The following AGPAT3 variants were observed in gnomAD, a reference collection of about 807,000 sequenced individuals.
AGPAT3 encodes the protein 1-acyl-sn-glycerol-3-phosphate acyltransferase gamma.
Under a neutral mutation model 47.3 loss-of-function variants are expected in AGPAT3, and 5 were observed. The observed-to-expected ratio is 0.11, with a 90% CI of 0.06 to 0.22. The LOEUF (loss-of-function observed/expected upper bound fraction) is 0.22. Ranked by LOEUF, AGPAT3 falls within the 10% of genes least tolerant of loss-of-function variation. The pLI is 1.00. For synonymous variants in AGPAT3, 212 were observed against 208.3 expected (o/e 1.02, Z -0.15); for missense variants, 315 against 493.0 (o/e 0.64, Z 3.42).
intron 1 of AGPAT3, among the ~76,000 whole-genome samples, chr21:43,871,855 T>C (rs1191137353): frequency 1.3e-5 from 2 of 152,268 alleles, no homozygotes; most frequent in African/African-American, 4.8e-5. Context: ...TTGGGTTTTA[T>C]CTTTTCACTT....
At position 43,930,996 on chromosome 21, in the gene AGPAT3, C is replaced by T. The variant is rs1188755601; in HGVS notation, c.-49+26977C>T. On this transcript the variant is annotated intron_variant, in intron 2 of 9. Transcript: ENST00000291572. The surrounding 1 kb of genome is among the most constrained non-coding windows in gnomAD (Gnocchi z 5.0). ...GGGCTCTAGAGTGGGGGTGAACGCA[C>T]GTCTGAGGCTCATCAGGGACTCAGC... 6.6e-6 allele frequency among the ~76,000 whole-genome samples: 1 copy of T among 152,110 alleles called. No individual in the cohort carries two copies. The highest frequency in any genetic ancestry group is 1.5e-5 in the Non-Finnish European group (1 of 68,024).
chr21:43,899,098 C>T (rs929605581), intron 1 of AGPAT3, among the ~76,000 whole-genome samples: 16 of 152,234 alleles, frequency 1.1e-4, no homozygotes, highest in Non-Finnish European at 1.9e-4. Context: ...CATCTGGGAT[C>T]TCTTTTTCTC....
chr21:43,960,740 C>T, intron 3 of AGPAT3: 1 of 985,372 alleles, frequency 1.0e-6, no homozygotes, highest in African/African-American at 1.7e-5. Context: ...CTTGCCCGTA[C>T]AGTTTTAAGC....
chr21:43,959,542 A>G (rs2088721481), intron 2 of AGPAT3, 92 bp from the exon 3 acceptor site: 1 of 1,153,242 alleles, frequency 8.7e-7, no homozygotes, highest in South Asian at 1.3e-5. Flanking sequence ...AGCGTGAGGC[A>G]TGTGCGGGGT....
rs1442758914 is a variant in AGPAT3 at position 43,920,773 on chromosome 21, C to G, written c.-49+16754C>G. On this transcript the variant is annotated intron_variant, in intron 2 of 9. Coordinates refer to ENST00000291572, the MANE Select transcript of AGPAT3 (RefSeq NM_020132.5). The surrounding 1 kb of genome is among the most constrained non-coding windows in gnomAD (Gnocchi z 6.1). ...GGGTACAGCAGCTCCGAGCTCCCTG[C>G]CCCATACCTCACCCTGTGCATCTCT... 6.6e-6 allele frequency among the ~76,000 whole-genome samples: 1 copy of G among 152,134 alleles called. No homozygotes were observed. Among genetic ancestry groups the G allele is most frequent in the Non-Finnish European group, 1.5e-5 (1 of 68,022 alleles).
chr21:43,946,169 T>C (rs908962334), intron 2 of AGPAT3, among the ~76,000 whole-genome samples: 1 of 152,238 alleles, frequency 6.6e-6, no homozygotes, highest in Non-Finnish European at 1.5e-5. Context: ...AGGTCTCTGA[T>C]GGGATGAAGC....
intron 2 of AGPAT3, among the ~76,000 whole-genome samples, chr21:43,931,969 A>G (rs1043015736): frequency 2.8e-5 from 4 of 145,042 alleles, no homozygotes; most frequent in Admixed American, 6.8e-5. Context: ...GTGTGTGTCT[A>G]CCTACCTACT....
Position 43,955,188 on chromosome 21 carries a change from T to G in AGPAT3, c.-48-4446T>G. The stretch of plus-strand genomic sequence containing the variant: ...CGGGGCCGTCTCAGAAGCACCGCGC[T>G]GGACCGGCTGGGCCAGATGCCATGG... On this transcript the variant is annotated intron_variant, in intron 2 of 9. Coordinates refer to ENST00000291572, the MANE Select transcript of AGPAT3 (RefSeq NM_020132.5). The surrounding 1 kb of genome is among the most constrained non-coding windows in gnomAD (Gnocchi z 4.1). 1 of 1,267,126 alleles carries G rather than the reference T, an allele frequency of 7.9e-7. No homozygotes were observed. The highest frequency in any genetic ancestry group is 1.0e-6 in the Non-Finnish European group (1 of 974,812). The allele number at this position is 1,267,126 out of a possible 1,614,324, so 78.5% of individuals were successfully genotyped here.
chr21:43,977,306 T>A (rs1213949784), intron 7 of AGPAT3, among the ~76,000 whole-genome samples: 1 of 152,222 alleles, frequency 6.6e-6, no homozygotes, highest in Non-Finnish European at 1.5e-5. Flanking sequence ...TGTGAAATAA[T>A]CTTTGCCTAA....
intron 7 of AGPAT3, among the ~76,000 whole-genome samples, chr21:43,976,320 C>G (rs1203374356): frequency 6.6e-6 from 1 of 151,876 alleles, no homozygotes; most frequent in Non-Finnish European, 1.5e-5. Context: ...CTGCCTTGGC[C>G]TCTCGAGTAG....
At chr21:43,980,872 T>G in intron 8 of AGPAT3, 117 bp from the exon 9 acceptor site, 1 of 982,974 alleles carries the variant, frequency 1.0e-6, no homozygotes, top group Non-Finnish European at 1.5e-6. Context: ...TGCTCTTAAT[T>G]GACGTGGCGC....
At chr21:43,963,654 G>A (rs1375005888) in intron 3 of AGPAT3, among the ~76,000 whole-genome samples, 3 of 146,622 alleles carry the variant, frequency 2.0e-5, no homozygotes, top group African/African-American at 7.7e-5. Context: ...GTTGCAGTGA[G>A]CCGAGACTGC....
At chr21:43,897,552 G>A (rs1241490518) in intron 1 of AGPAT3, among the ~76,000 whole-genome samples, 1 of 151,670 alleles carries the variant, frequency 6.6e-6, no homozygotes, top group African/African-American at 2.4e-5. Flanking sequence ...CCCAGAGGGG[G>A]CGGCCGGGCA....
At position 43,981,292 on chromosome 21, in the gene AGPAT3, G is replaced by A; in HGVS notation, c.1042+105G>A. On this transcript the variant is annotated intron_variant, in intron 9 of 9. Coordinates refer to ENST00000291572, the MANE Select transcript of AGPAT3 (RefSeq NM_020132.5). This position sits in a 1 kb window ranked among gnomAD's most constrained non-coding sequence, Gnocchi z 5.3. ...ATCACAGTGGCTGTGGGAGGCAGGG[G>A]CCTGGCTGTTATGGACCCTGGAGCC... The A allele has an allele frequency of 3.1e-6, 4 of 1,287,540 alleles. No homozygotes were observed. Among genetic ancestry groups the A allele is most frequent in the Admixed American group, 1.9e-5 (1 of 53,498 alleles). 79.8% of individuals were successfully genotyped at this position (1,287,540 alleles called of 1,614,324 possible).
chr21:43,953,126 T>A (rs1029274732), intron 2 of AGPAT3, among the ~76,000 whole-genome samples: 2 of 152,124 alleles, frequency 1.3e-5, no homozygotes, highest in African/African-American at 4.8e-5. Flanking sequence ...ATCCAGGGTG[T>A]GGGGCACGCC....
In AGPAT3 at chr21:43,971,092, TAAAAG is replaced by T. The variant is rs1050581715; in HGVS notation, c.664+290_665-288del. ...CTTATTAATCCAAAAGGAGTCAAAA[TAAAAG>T]AAAGGGACAAAGAACAGAAAACAGC... On this transcript the variant is annotated intron_variant, in intron 6 of 9. Coordinates refer to ENST00000291572, the MANE Select transcript of AGPAT3 (RefSeq NM_020132.5). Among the ~76,000 whole-genome samples the T allele has an allele frequency of 4.6e-5, 7 of 151,702 alleles. No homozygotes were observed. In the South Asian group the frequency reaches 1.0e-3, roughly 23 times the overall value.
At chr21:43,874,381 G>A (rs908285638) in intron 1 of AGPAT3, among the ~76,000 whole-genome samples, 7 of 152,146 alleles carry the variant, frequency 4.6e-5, no homozygotes, top group Admixed American at 6.5e-5. Flanking sequence ...CTGTACTGTC[G>A]TCTTGTTTAT....
intron 1 of AGPAT3, among the ~76,000 whole-genome samples, chr21:43,898,531 CT>C (rs888497590): frequency 5.9e-5 from 9 of 151,648 alleles, no homozygotes; most frequent in African/African-American, 1.9e-4. Flanking sequence ...TATTTAAATT[CT>C]TTTTTTTTCC....
intron 2 of AGPAT3, among the ~76,000 whole-genome samples, chr21:43,958,467 T>C (rs764489233): frequency 1.3e-5 from 2 of 151,376 alleles, no homozygotes; most frequent in Non-Finnish European, 2.9e-5. Context: ...GTGTGGTTTG[T>C]GGTATGGTGC....
Sources: gnomAD v4.1 joint callset for allele counts (sites outside exome capture counted in the v4.1 genomes callset) on GRCh38, gnomAD v4.1.1 for gene constraint, Gnocchi (gnomAD v3.1) non-coding constraint, MANE v1.5 for transcripts, NCBI Gene and HGNC (gene_info 2026-07-23, HGNC 2026-07-21) for gene names.